PDE8B: variants seen among roughly 807,000 people sequenced by gnomAD.
The protein encoded by PDE8B is phosphodiesterase 8B.
PDE8B carries 26 observed loss-of-function variants against 101.3 expected under a neutral mutation model. The ratio of observed to expected loss-of-function variants is 0.26; its 90% CI spans 0.19 to 0.36. PDE8B has a LOEUF of 0.36. Among genes scored for constraint, PDE8B ranks in the 10% least tolerant of loss-of-function variants. The pLI, the probability that PDE8B is intolerant of heterozygous loss-of-function variation, is 1.00. For missense variants in PDE8B, 810 were observed against 1,163.1 expected (o/e 0.70, Z 4.42); for synonymous variants, 424 against 429.3 (o/e 0.99, Z 0.15).
At chr5:77,374,295 A>G (rs529900267) in intron 10 of PDE8B, among the ~76,000 whole-genome samples, 80 of 152,116 alleles carry the variant, frequency 5.3e-4, no homozygotes, top group African/African-American at 1.8e-3. Context: ...AGAGTGTATA[A>G]TTGGCTTTTC....
At chr5:77,175,829 A>G in the PDE8B span, among the ~76,000 whole-genome samples, 1 of 152,340 alleles carries the variant, frequency 6.6e-6, no homozygotes, top group South Asian at 2.1e-4. Context: ...ATTTATATAT[A>G]TGCATGTATA....
At chr5:77,225,397 T>C (rs892654705) in intron 1 of PDE8B, among the ~76,000 whole-genome samples, 2 of 152,250 alleles carry the variant, frequency 1.3e-5, no homozygotes, top group African/African-American at 4.8e-5. Flanking sequence ...GTCCTGACTT[T>C]GTCTACTCAG....
chr5:77,337,425 G>A (rs1778400380), intron 6 of PDE8B, 110 bp downstream of exon 6: 2 of 723,212 alleles, frequency 2.8e-6, no homozygotes, highest in Non-Finnish European at 5.1e-6. Flanking sequence ...GGATTTTGAA[G>A]CTTTTAAACA....
intron 1 of PDE8B, among the ~76,000 whole-genome samples, chr5:77,222,385 A>G (rs577434681): frequency 2.6e-5 from 4 of 152,258 alleles, no homozygotes; most frequent in South Asian, 2.1e-4. Context: ...GCACTTTGGG[A>G]GGCTGAGGCG....
the PDE8B span, among the ~76,000 whole-genome samples, chr5:77,201,842 TAAAC>T: frequency 2.0e-5 from 3 of 152,150 alleles, no homozygotes; most frequent in African/African-American, 7.2e-5. Flanking sequence ...CTAGGTGACT[TAAAC>T]AACAGAAACT....
chr5:77,222,752 C>G (rs948498038), intron 1 of PDE8B, among the ~76,000 whole-genome samples: 14 of 151,988 alleles, frequency 9.2e-5, no homozygotes, highest in Non-Finnish European at 1.8e-4. Flanking sequence ...ACTGGGAGAG[C>G]ATGAAGAACT....
chr5:77,226,790 C>CT (rs1752487792), intron 1 of PDE8B, among the ~76,000 whole-genome samples: 1 of 152,092 alleles, frequency 6.6e-6, no homozygotes, highest in African/African-American at 2.4e-5. Context: ...GTAAAATGTA[C>CT]TTTTTTCTGC....
In PDE8B at chr5:77,352,402, A is replaced by G. The variant is rs544530694; in HGVS notation, c.1107-944A>G. Among the ~76,000 whole-genome samples, 334 of 152,366 alleles carry G rather than the reference A, an allele frequency of 2.2e-3. 4 individuals are homozygous for G. Among genetic ancestry groups the G allele is most frequent in the Middle Eastern group, 6.8e-3 (2 of 294 alleles). On this transcript the variant is annotated intron_variant, in intron 9 of 21. Transcript: ENST00000264917. Reference sequence around the variant, plus strand: ...CAGAGGAGACATGCTATTGCCTGGTAATTTCCAACAGAATACACTTTTCTG... The same window carrying G: ...CAGAGGAGACATGCTATTGCCTGGTGATTTCCAACAGAATACACTTTTCTG...
chr5:77,248,859 C>T (rs549519365), intron 1 of PDE8B, among the ~76,000 whole-genome samples: 30 of 152,248 alleles, frequency 2.0e-4, no homozygotes, highest in African/African-American at 7.2e-4. Flanking sequence ...GGATTAGTAT[C>T]CCTATAAGAA....
chr5:77,396,891 T>C (rs1382972334), intron 10 of PDE8B, among the ~76,000 whole-genome samples: 1 of 152,054 alleles, frequency 6.6e-6, no homozygotes, highest in Non-Finnish European at 1.5e-5. Flanking sequence ...AAACCTAGGA[T>C]TACTTAATTT....
chr5:77,267,301 A>G (rs1406982922), intron 1 of PDE8B, among the ~76,000 whole-genome samples: 1 of 152,050 alleles, frequency 6.6e-6, no homozygotes, highest in Non-Finnish European at 1.5e-5. Flanking sequence ...TTAGCCATGT[A>G]TGGTGGCGGG....
At chr5:77,127,278 G>A in the PDE8B span, among the ~76,000 whole-genome samples, 1 of 152,272 alleles carries the variant, frequency 6.6e-6, no homozygotes, top group Non-Finnish European at 1.5e-5. Flanking sequence ...GATTATGGGG[G>A]AGGTTTCCCC....
intron 1 of PDE8B, among the ~76,000 whole-genome samples, chr5:77,222,212 A>G (rs1751256649): frequency 6.6e-6 from 1 of 152,160 alleles, no homozygotes; most frequent in Non-Finnish European, 1.5e-5. Flanking sequence ...TGCATCTCTA[A>G]AAGGATTGGT....
intron 13 of PDE8B, 40 bp from the exon 14 acceptor site, chr5:77,408,853 C>T (rs765112631): frequency 6.5e-7 from 1 of 1,537,650 alleles, no homozygotes; most frequent in South Asian, 1.1e-5. Context: ...GGAAGTAGAA[C>T]CCTATTATCC....
At chr5:77,108,341 AT>A in the PDE8B span, among the ~76,000 whole-genome samples, 1 of 152,156 alleles carries the variant, frequency 6.6e-6, no homozygotes, top group Non-Finnish European at 1.5e-5. Flanking sequence ...AACACTATTC[AT>A]TTCTTTGACA....
chr5:77,388,588 G>A (rs1023996233), intron 10 of PDE8B, among the ~76,000 whole-genome samples: 11 of 152,194 alleles, frequency 7.2e-5, no homozygotes, highest in African/African-American at 2.7e-4. Context: ...CCTTAGCAGA[G>A]CTTGCACGCT....
chr5:77,259,070 C>CA (rs1759872900), intron 1 of PDE8B, among the ~76,000 whole-genome samples: 6 of 53,914 alleles, frequency 1.1e-4, no homozygotes, highest in African/African-American at 3.1e-4. Flanking sequence ...ACACACACAC[C>CA]CCCGCCCCCC....
intron 10 of PDE8B, among the ~76,000 whole-genome samples, chr5:77,388,672 G>A (rs984367699): frequency 5.3e-5 from 8 of 152,204 alleles, no homozygotes; most frequent in African/African-American, 9.6e-5. Context: ...TGTGCCCACA[G>A]CTGCCCCTTC....
intron 11 of PDE8B, among the ~76,000 whole-genome samples, chr5:77,400,887 C>T (rs1465001348): frequency 6.6e-6 from 1 of 152,156 alleles, no homozygotes; most frequent in Non-Finnish European, 1.5e-5. Context: ...AAAAATCAGT[C>T]TGCTACCAAG....
Sources: gnomAD v4.1 joint callset for allele counts (sites outside exome capture counted in the v4.1 genomes callset) on GRCh38, gnomAD v4.1.1 for gene constraint, MANE v1.5 for transcripts, NCBI Gene and HGNC (gene_info 2026-07-23, HGNC 2026-07-21) for gene names.